The following UGGT2 variants were observed in gnomAD, a reference collection of about 807,000 sequenced individuals.
UGGT2 encodes UDP-glucose glycoprotein glucosyltransferase 2, also known as UDP-glucose:glycoprotein glucosyltransferase 2.
UGGT2 carries 180 observed loss-of-function variants against 192.1 expected under a neutral mutation model. The observed-to-expected ratio is 0.94, with a 90% CI of 0.83 to 1.06. The LOEUF is 1.06. Among genes scored for constraint, UGGT2 ranks in the 50% least tolerant of loss-of-function variants. The pLI, the probability that UGGT2 is intolerant of heterozygous loss-of-function variation, is 0.00. For missense variants in UGGT2, 1,849 were observed against 1,795.7 expected (o/e 1.03, Z -0.54); for synonymous variants, 580 against 591.0 (o/e 0.98, Z 0.27).
intron 5 of UGGT2, among the ~76,000 whole-genome samples, chr13:96,005,223 C>A (rs1196630095): frequency 1.3e-5 from 2 of 152,054 alleles, no homozygotes; most frequent in Admixed American, 6.5e-5. Flanking sequence ...AAGAAAAAGG[C>A]ACCTGTGGGA....
At chr13:95,843,265 T>C (rs1888051384) in intron 36 of UGGT2, among the ~76,000 whole-genome samples, 2 of 152,210 alleles carry the variant, frequency 1.3e-5, no homozygotes, top group Admixed American at 1.3e-4. Context: ...CTAGCAGGTA[T>C]ATATCCTTTC....
chr13:95,913,018 G>A (rs1458142674), intron 20 of UGGT2, among the ~76,000 whole-genome samples: 1 of 152,160 alleles, frequency 6.6e-6, no homozygotes, highest in Non-Finnish European at 1.5e-5. Context: ...ATGGTGCTGG[G>A]AAAACTGGCT....
intron 27 of UGGT2, among the ~76,000 whole-genome samples, chr13:95,883,097 TGAG>T (rs1016831913): frequency 2.0e-5 from 3 of 152,306 alleles, no homozygotes; most frequent in African/African-American, 4.8e-5. Flanking sequence ...GGTTCTTTTT[TGAG>T]GTGGGTCCAG....
intron 20 of UGGT2, among the ~76,000 whole-genome samples, chr13:95,906,862 C>T (rs969760267): frequency 1.3e-5 from 2 of 152,140 alleles, no homozygotes; most frequent in Admixed American, 6.6e-5. Flanking sequence ...CCAGTGTGAC[C>T]GATGCAGCAG....
chr13:96,010,785 A>C (rs1205803765), intron 5 of UGGT2, among the ~76,000 whole-genome samples: 3 of 152,198 alleles, frequency 2.0e-5, no homozygotes, highest in Non-Finnish European at 4.4e-5. Flanking sequence ...TAAAGTTCAC[A>C]AGAAGAGACA....
chr13:95,833,969 A>G (rs1887003451), intron 37 of UGGT2, among the ~76,000 whole-genome samples: 2 of 152,128 alleles, frequency 1.3e-5, no homozygotes, highest in Non-Finnish European at 2.9e-5. Flanking sequence ...ATTAGTCATG[A>G]GCCGTGAGCC....
chr13:95,927,943 G>C (rs2049084467), intron 17 of UGGT2, among the ~76,000 whole-genome samples: 1 of 152,162 alleles, frequency 6.6e-6, no homozygotes, highest in Non-Finnish European at 1.5e-5. Context: ...TTAACCCTTA[G>C]TGGACACAGC....
chr13:95,972,526 ATGTT>A (rs2140794734), intron 11 of UGGT2, 50 bp downstream of exon 11: 1 of 1,380,410 alleles, frequency 7.2e-7, no homozygotes, highest in Admixed American at 1.9e-5. Context: ...ATTCAAGACA[ATGTT>A]TATTTTTATA....
intron 17 of UGGT2, among the ~76,000 whole-genome samples, chr13:95,932,311 T>TTGTGTGTGTG (rs67135742): frequency 0.035 from 4,932 of 139,424 alleles, 109 homozygotes; most frequent in East Asian, 0.05. Flanking sequence ...GGTATTTTAT[T>TTGTGTGTGTG]TGTGTGTGTG....
intron 5 of UGGT2, among the ~76,000 whole-genome samples, chr13:96,000,761 T>C (rs981496160): frequency 9.2e-5 from 14 of 152,166 alleles, no homozygotes; most frequent in African/African-American, 3.4e-4. Context: ...TAAATTCATA[T>C]TTACTTTCCT....
At chr13:95,999,100 T>C (rs2051715746) in intron 6 of UGGT2, 111 bp downstream of exon 6, 1 of 643,838 alleles carries the variant, frequency 1.6e-6, no homozygotes, top group African/African-American at 1.8e-5. Context: ...ACCCCATCTC[T>C]AGCCTCAAAT....
chr13:95,883,628 T>C (rs1317091736), intron 27 of UGGT2, among the ~76,000 whole-genome samples: 1 of 152,098 alleles, frequency 6.6e-6, no homozygotes, highest in Non-Finnish European at 1.5e-5. Context: ...CCTGCTGTCA[T>C]GTGAGATGTG....
intron 14 of UGGT2, 31 bp downstream of exon 14, chr13:95,947,965 T>A (rs2049932394): frequency 6.4e-7 from 1 of 1,551,384 alleles, no homozygotes; most frequent in Admixed American, 1.7e-5. Context: ...TTCCTTTAGT[T>A]GACAGTTTAA....
At chr13:95,910,243 A>G (rs2048444652) in intron 20 of UGGT2, among the ~76,000 whole-genome samples, 1 of 152,242 alleles carries the variant, frequency 6.6e-6, no homozygotes, top group South Asian at 2.1e-4. Flanking sequence ...ACATAACAAT[A>G]TTAACCTGAA....
At chr13:96,027,734 T>C (rs557740313) in intron 2 of UGGT2, among the ~76,000 whole-genome samples, 1 of 152,296 alleles carries the variant, frequency 6.6e-6, no homozygotes, top group Non-Finnish European at 1.5e-5. Context: ...ACTCAGAAAT[T>C]AGATAACCAA....
At position 95,926,894 on chromosome 13, in the gene UGGT2, T is replaced by C. The variant is rs1420531880; in HGVS notation, c.2200+134A>G. ...AGCACACGTTAAATACTAAAAAATT[T>C]ACAAACTCTAAAATTGAAATCTAGG... On this transcript the variant is annotated intron_variant, in intron 19 of 38. Coordinates refer to ENST00000376747, the MANE Select transcript of UGGT2 (RefSeq NM_020121.4). The C allele has an allele frequency of 1.1e-5, 9 of 789,196 alleles. No individual in the cohort carries two copies. The South Asian group carries it at 1.5e-4, about 13-fold the overall frequency. 48.9% of individuals were successfully genotyped at this position (789,196 alleles called of 1,614,324 possible). A position where few individuals can be genotyped will look rare whatever the true frequency, so the allele number is the denominator to read the frequency against.
chr13:95,879,189 G>C (rs188231547), intron 27 of UGGT2, among the ~76,000 whole-genome samples: 2 of 152,208 alleles, frequency 1.3e-5, no homozygotes, highest in South Asian at 2.1e-4. Context: ...TTAGATACTA[G>C]GGAAGAGTCT....
At chr13:95,853,152 C>T (rs942502780) in intron 36 of UGGT2, among the ~76,000 whole-genome samples, 33 of 152,146 alleles carry the variant, frequency 2.2e-4, no homozygotes, top group African/African-American at 7.2e-4. Flanking sequence ...TGTTTGCTTC[C>T]CCTTCCGCCA....
intron 15 of UGGT2, among the ~76,000 whole-genome samples, chr13:95,941,625 A>G (rs2049682880): frequency 6.6e-6 from 1 of 152,186 alleles, no homozygotes; most frequent in Non-Finnish European, 1.5e-5. Flanking sequence ...AAAATATTAG[A>G]TACTCATAAA....
Sources: gnomAD v4.1 joint callset for allele counts (sites outside exome capture counted in the v4.1 genomes callset) on GRCh38, gnomAD v4.1.1 for gene constraint, MANE v1.5 for transcripts, NCBI Gene and HGNC (gene_info 2026-07-23, HGNC 2026-07-21) for gene names.